Variants in TCF7L2 observed in about 807,000 individuals in gnomAD.
The protein encoded by TCF7L2 is transcription factor 7-like 2.
In TCF7L2, 23 loss-of-function variants were observed where a neutral mutation model predicts 77.9. That is an observed-to-expected ratio of 0.30 (90% CI 0.21 to 0.42). TCF7L2 has a LOEUF of 0.42. Among genes scored for constraint, TCF7L2 ranks in the 10% least tolerant of loss-of-function variants. The pLI is 1.00. For missense variants in TCF7L2, 654 were observed against 793.1 expected, an observed-to-expected ratio of 0.82 and a Z score of 2.11; for synonymous variants, 413 against 340.2, an observed-to-expected ratio of 1.21 and a Z score of -2.36.
chr10:113,122,094 C>T (rs1293675292), intron 5 of TCF7L2, among the ~76,000 whole-genome samples: 1 of 152,172 alleles, frequency 6.6e-6, no homozygotes, highest in Non-Finnish European at 1.5e-5. Context: ...AGAATCAAAC[C>T]TCTTGGCAAA....
chr10:113,037,771 G>A (rs1422645992), intron 4 of TCF7L2, among the ~76,000 whole-genome samples: 1 of 152,182 alleles, frequency 6.6e-6, no homozygotes, highest in Non-Finnish European at 1.5e-5. Context: ...ATGAAAACTT[G>A]TCCACCAATC....
chr10:113,040,211 G>A, intron 5 of TCF7L2, 85 bp downstream of exon 5: 1 of 1,170,060 alleles, frequency 8.5e-7, no homozygotes, highest in South Asian at 1.4e-5. Flanking sequence ...GGCCTTATTT[G>A]TCATTTTTTT....
chr10:112,986,724 C>T (rs1275973425), intron 4 of TCF7L2, among the ~76,000 whole-genome samples: 1 of 152,128 alleles, frequency 6.6e-6, no homozygotes, highest in Non-Finnish European at 1.5e-5. Flanking sequence ...TTTCTTGCAG[C>T]CTCCACACCT....
chr10:112,967,169 A>G (rs2037141377), intron 4 of TCF7L2, among the ~76,000 whole-genome samples: 4 of 152,336 alleles, frequency 2.6e-5, no homozygotes, highest in Middle Eastern at 6.8e-3. Flanking sequence ...CATAGAGCAG[A>G]TATGTTCCTT....
intron 4 of TCF7L2, among the ~76,000 whole-genome samples, chr10:112,990,775 A>G (rs1470695840): frequency 6.6e-6 from 1 of 152,228 alleles, no homozygotes; most frequent in Non-Finnish European, 1.5e-5. Flanking sequence ...GGTCTTTTAC[A>G]TGGCCAAGCC....
intron 5 of TCF7L2, among the ~76,000 whole-genome samples, chr10:113,072,574 C>T (rs1365589655): frequency 3.9e-5 from 6 of 152,180 alleles, no homozygotes; most frequent in African/African-American, 9.6e-5. Context: ...AGGCTGGTCT[C>T]GAACTCCTGA....
At chr10:113,010,585 T>A (rs1358193592) in intron 4 of TCF7L2, among the ~76,000 whole-genome samples, 8 of 152,186 alleles carry the variant, frequency 5.3e-5, no homozygotes, top group Non-Finnish European at 4.4e-5. Context: ...ACAAGACAAC[T>A]GAATCTCAGA....
chr10:113,001,859 AG>A (rs1432884310), intron 4 of TCF7L2, among the ~76,000 whole-genome samples: 6 of 152,230 alleles, frequency 3.9e-5, no homozygotes, highest in Non-Finnish European at 7.3e-5. Flanking sequence ...AATTTCCTAA[AG>A]AATTAAAAGC....
Position 113,140,390 on chromosome 10 carries a change from C to T in TCF7L2, c.553-794C>T, listed in dbSNP as rs1419953591. Among the ~76,000 whole-genome samples the T allele has an allele frequency of 3.3e-5, 5 of 152,198 alleles. No homozygotes were observed. In the East Asian group the frequency reaches 9.6e-4, roughly 29 times the overall value. On this transcript the variant is annotated intron_variant, in intron 5 of 13. Coordinates refer to ENST00000627217, the MANE Select transcript of TCF7L2 (RefSeq NM_001146274.2). ...TCCACTGACCCACCCTTCCCAAACA[C>T]AAAAATGCCTGTACTTTGTTTTTTA...
chr10:113,027,689 G>T (rs2049436265), intron 4 of TCF7L2, among the ~76,000 whole-genome samples: 1 of 152,152 alleles, frequency 6.6e-6, no homozygotes, highest in Non-Finnish European at 1.5e-5. Flanking sequence ...GAAACCGCAG[G>T]CAGGGGTAAG....
intron 4 of TCF7L2, among the ~76,000 whole-genome samples, chr10:113,004,539 T>G (rs2045146802): frequency 6.6e-6 from 1 of 152,238 alleles, no homozygotes; most frequent in Non-Finnish European, 1.5e-5. Context: ...TTCAAAAATT[T>G]TACTTTTTGT....
chr10:113,073,129 T>TGTGAGAGAGA (rs56927661), intron 5 of TCF7L2, among the ~76,000 whole-genome samples: 15 of 123,584 alleles, frequency 1.2e-4, no homozygotes, highest in African/African-American at 3.1e-4. Flanking sequence ...TGTGTGTGTG[T>TGTGAGAGAGA]GAGAGAGAGA....
intron 5 of TCF7L2, among the ~76,000 whole-genome samples, chr10:113,100,939 GT>G (rs1216608922): frequency 1.3e-5 from 2 of 152,174 alleles, no homozygotes; most frequent in Admixed American, 6.5e-5. Context: ...GGCAGGCGTG[GT>G]GGCGTTTGCC....
rs77941071 is a variant in TCF7L2, at chr10:113,064,597, C to A, written c.552+24471C>A. On this transcript the variant is annotated intron_variant, in intron 5 of 13. Transcript: ENST00000627217. ...TGCTGGTGAAGGTACTACTGTTCAT[C>A]AGCTTTTCCCTTTTTTACCTGGCAT... Among the ~76,000 whole-genome samples the A allele has an allele frequency of 6.4e-4, 97 of 152,344 alleles. No homozygotes were observed. In the East Asian group the frequency reaches 0.018, roughly 28 times the overall value.
At chr10:113,022,779 G>T (rs2048462211) in intron 4 of TCF7L2, among the ~76,000 whole-genome samples, 1 of 152,092 alleles carries the variant, frequency 6.6e-6, no homozygotes, top group African/African-American at 2.4e-5. Flanking sequence ...CTGAGAGATG[G>T]CTGTTTGTAT....
chr10:113,123,114 C>T (rs2065049520), intron 5 of TCF7L2, among the ~76,000 whole-genome samples: 1 of 152,164 alleles, frequency 6.6e-6, no homozygotes. Context: ...GTCATGACTG[C>T]ACCTACAGCA....
chr10:112,988,431 C>T (rs554390091), intron 4 of TCF7L2, among the ~76,000 whole-genome samples: 1 of 152,282 alleles, frequency 6.6e-6, no homozygotes, highest in Non-Finnish European at 1.5e-5. Flanking sequence ...TCTTATGTAC[C>T]ACTTCCCTTG....
At chr10:113,125,291 T>C (rs374084160) in intron 5 of TCF7L2, among the ~76,000 whole-genome samples, 1 of 152,152 alleles carries the variant, frequency 6.6e-6, no homozygotes, top group South Asian at 2.1e-4. Context: ...GAATAAAATC[T>C]GGACAGCTGT....
intron 5 of TCF7L2, among the ~76,000 whole-genome samples, chr10:113,118,654 GTTTTTTTTTGT>G (rs1462931812): frequency 6.3e-5 from 8 of 127,934 alleles, no homozygotes; most frequent in Admixed American, 3.5e-4. Flanking sequence ...TTTTTTTTTT[GTTTTTTTTTGT>G]TTTTTTTTTT....
Sources: allele counts gnomAD v4.1 joint callset (sites outside exome capture counted in the v4.1 genomes callset), GRCh38; gene constraint gnomAD v4.1.1; transcripts MANE v1.5; gene names NCBI Gene and HGNC (gene_info 2026-07-23, HGNC 2026-07-21).